The following SIAH3 variants were observed in gnomAD, a reference collection of about 807,000 sequenced individuals.
SIAH3 encodes siah E3 ubiquitin protein ligase family member 3, also known as seven in absentia homolog 3.
Under a neutral mutation model 12.6 loss-of-function variants are expected in SIAH3, and 9 were observed. That is an observed-to-expected ratio of 0.72 (90% CI 0.43 to 1.25). The LOEUF (loss-of-function observed/expected upper bound fraction) is 1.25, where lower values mean the gene tolerates loss of function less well. Among genes scored for constraint, SIAH3 ranks in the 50% most tolerant of loss-of-function variants. The pLI is 0.00. For missense variants in SIAH3, 390 were observed against 365.4 expected (o/e 1.07, Z -0.55); for synonymous variants, 154 against 151.1 (o/e 1.02, Z -0.14).
chr13:45,793,388 TGTTTTC>T (rs1421362892), intron 1 of SIAH3, among the ~76,000 whole-genome samples: 1 of 152,228 alleles, frequency 6.6e-6, no homozygotes, highest in Non-Finnish European at 1.5e-5. Flanking sequence ...CTGCCTCCTC[TGTTTTC>T]TATCCCCAGA....
At chr13:45,787,008 CAGGG>C (rs1011421728) in intron 1 of SIAH3, among the ~76,000 whole-genome samples, 1 of 152,050 alleles carries the variant, frequency 6.6e-6, no homozygotes, top group Non-Finnish European at 1.5e-5. Flanking sequence ...GTCAAAGTAG[CAGGG>C]AGGGAGTGAG....
At chr13:45,842,830 C>T (rs1370246820) in intron 1 of SIAH3, among the ~76,000 whole-genome samples, 1 of 152,160 alleles carries the variant, frequency 6.6e-6, no homozygotes, top group Admixed American at 6.5e-5. Context: ...CCACTTTCCC[C>T]ACTTAACTCT....
chr13:45,843,003 CAGAAT>C (rs1950745555), intron 1 of SIAH3, among the ~76,000 whole-genome samples: 1 of 107,578 alleles, frequency 9.3e-6, no homozygotes, highest in Non-Finnish European at 2.1e-5. Context: ...GGGAGCATCT[CAGAAT>C]TGCCATTATT....
At chr13:45,826,740 G>A (rs1415999465) in intron 1 of SIAH3, among the ~76,000 whole-genome samples, 1 of 152,078 alleles carries the variant, frequency 6.6e-6, no homozygotes, top group Non-Finnish European at 1.5e-5. Flanking sequence ...AGGTAGAGCA[G>A]GTTCAGAAAG....
chr13:45,799,895 T>TG (rs1252161797), intron 1 of SIAH3, among the ~76,000 whole-genome samples: 2 of 152,200 alleles, frequency 1.3e-5, no homozygotes, highest in Non-Finnish European at 2.9e-5. Flanking sequence ...ATAAATCTTC[T>TG]GGGGGGAAAA....
chr13:45,792,095 A>G (rs552716514), intron 1 of SIAH3, among the ~76,000 whole-genome samples: 1 of 152,168 alleles, frequency 6.6e-6, no homozygotes, highest in South Asian at 2.1e-4. Flanking sequence ...GGAATTCCCT[A>G]CCCAGTGTCT....
chr13:45,839,226 T>C (rs1264267616), intron 1 of SIAH3, among the ~76,000 whole-genome samples: 5 of 18,892 alleles, frequency 2.6e-4, no homozygotes, highest in Non-Finnish European at 3.9e-4. Flanking sequence ...TCTCCTCTTC[T>C]TTTTTTTTTT....
rs773700714 is a variant in SIAH3, at chr13:45,783,591, T to C, written c.602A>G (p.Tyr201Cys). Residue 201 changes from tyrosine to cysteine, a missense_variant, in exon 2 of 2, where the codon TAT (tyrosine) becomes TGT (cysteine). Tyr to Cys is a radical substitution (Grantham distance 194). Coordinates refer to ENST00000400405, the MANE Select transcript of SIAH3 (RefSeq NM_198849.3). ...GTPTQADCFT[Y>C]RLELNRNHRR... ...ATGGTTTCTGTTGAGCTCCAGGCGA[T>C]AGGTGAAGCAGTCGGCCTGGGTGGG... 1 of 1,614,148 alleles carries C rather than the reference T, an allele frequency of 6.2e-7. No homozygotes were observed. The highest frequency in any genetic ancestry group is 8.5e-7 in the Non-Finnish European group (1 of 1,180,014).
intron 1 of SIAH3, among the ~76,000 whole-genome samples, chr13:45,850,919 C>CCACACACACACACACACACACA (rs34118981): frequency 7.8e-6 from 1 of 128,228 alleles, no homozygotes; most frequent in African/African-American, 3.0e-5. Flanking sequence ...CCTCCCGACA[C>CCACACACACACACACACACACA]CACACACACA....
At chr13:45,786,485 T>A (rs911054457) in intron 1 of SIAH3, among the ~76,000 whole-genome samples, 1 of 152,158 alleles carries the variant, frequency 6.6e-6, no homozygotes, top group African/African-American at 2.4e-5. Context: ...TGACAGATCA[T>A]AGACTAGGAA....
intron 1 of SIAH3, among the ~76,000 whole-genome samples, chr13:45,792,062 A>G (rs890004818): frequency 2.0e-5 from 3 of 152,110 alleles, no homozygotes; most frequent in African/African-American, 7.2e-5. Context: ...CCTCTAGACC[A>G]CACTCTGCAT....
intron 1 of SIAH3, among the ~76,000 whole-genome samples, chr13:45,846,084 CTT>C (rs386379026): frequency 3.5e-5 from 3 of 85,690 alleles, no homozygotes; most frequent in Admixed American, 1.7e-4. Flanking sequence ...GACCTAACTT[CTT>C]TTTTTTTTTT....
chr13:45,784,188 CAAACA>C, intron 1 of SIAH3, 131 bp from the exon 2 acceptor site: 1 of 135,658 alleles, frequency 7.4e-6, no homozygotes. Context: ...TCTTAAACAA[CAAACA>C]AACAAACAAA....
intron 1 of SIAH3, among the ~76,000 whole-genome samples, chr13:45,842,655 C>G (rs138230520): frequency 6.6e-6 from 1 of 152,116 alleles, no homozygotes; most frequent in Non-Finnish European, 1.5e-5. Context: ...GCCTGTACAT[C>G]GTATTATTTA....
chr13:45,847,808 G>A (rs1950765728), intron 1 of SIAH3, among the ~76,000 whole-genome samples: 1 of 152,066 alleles, frequency 6.6e-6, no homozygotes, highest in Admixed American at 6.6e-5. Flanking sequence ...TGGTTAAGAG[G>A]AGGAAGTCAC....
intron 1 of SIAH3, among the ~76,000 whole-genome samples, chr13:45,819,960 C>T (rs1467883443): frequency 6.6e-6 from 1 of 152,176 alleles, no homozygotes; most frequent in Non-Finnish European, 1.5e-5. Flanking sequence ...CTGCAGTCTG[C>T]CTCGGAGATG....
intron 1 of SIAH3, among the ~76,000 whole-genome samples, chr13:45,786,536 T>C (rs1454913829): frequency 3.3e-5 from 5 of 152,212 alleles, no homozygotes; most frequent in African/African-American, 9.7e-5. Flanking sequence ...TCTGTTTCAC[T>C]GTTTACGTGT....
chr13:45,831,714 A>T (rs1703476650), intron 1 of SIAH3, among the ~76,000 whole-genome samples: 1 of 152,064 alleles, frequency 6.6e-6, no homozygotes, highest in African/African-American at 2.4e-5. Context: ...GAGGGAGGGG[A>T]CATGAGAAAG....
chr13:45,795,586 C>T (rs1950559769), intron 1 of SIAH3, among the ~76,000 whole-genome samples: 1 of 152,216 alleles, frequency 6.6e-6, no homozygotes, highest in African/African-American at 2.4e-5. Context: ...TCAGGGCTAG[C>T]TGCCTGGCAC....
Sources: gnomAD v4.1 joint callset for allele counts (sites outside exome capture counted in the v4.1 genomes callset) on GRCh38, gnomAD v4.1.1 for gene constraint, MANE v1.5 for transcripts, NCBI Gene and HGNC (gene_info 2026-07-23, HGNC 2026-07-21) for gene names.